VMP1: variants seen among roughly 807,000 people sequenced by gnomAD.
The protein encoded by VMP1 is vacuole membrane protein 1, also known as ectopic P-granules autophagy protein 3 homolog.
Under a neutral mutation model 56.0 loss-of-function variants are expected in VMP1, and 11 were observed. The ratio of observed to expected loss-of-function variants is 0.20; its 90% CI spans 0.12 to 0.32. The LOEUF is 0.32. VMP1 is among the 10% of genes least tolerant of loss of function. The pLI is 1.00. For missense variants in VMP1, 296 were observed against 490.3 expected (o/e 0.60, Z 3.74); for synonymous variants, 149 against 165.0 (o/e 0.90, Z 0.74).
chr17:59,733,333 A>C (rs758143784), intron 2 of VMP1, among the ~76,000 whole-genome samples: 16 of 152,202 alleles, frequency 1.1e-4, no homozygotes, highest in Non-Finnish European at 2.1e-4. Flanking sequence ...TGCTGTGGTC[A>C]ATAAAGTTGT....
chr17:59,827,409 T>C lies in VMP1; in HGVS notation c.974+9636T>C, dbSNP rs542984904. ...TCAGCTCACTGCAACCTCTGCCTCCTGGGTTCAAGCAATTCTTCTGCCTCA... is the reference window on the plus strand; with the variant it reads ...TCAGCTCACTGCAACCTCTGCCTCCCGGGTTCAAGCAATTCTTCTGCCTCA... On this transcript the variant is annotated intron_variant, in intron 10 of 11. Transcript: ENST00000262291. 3.3e-5 allele frequency among the ~76,000 whole-genome samples: 5 copies of C among 152,074 alleles called. No individual in the cohort carries two copies. The East Asian group carries it at 9.7e-4, about 30-fold the overall frequency.
At chr17:59,803,149 T>C (rs2037734380) in intron 7 of VMP1, among the ~76,000 whole-genome samples, 1 of 152,248 alleles carries the variant, frequency 6.6e-6, no homozygotes, top group Non-Finnish European at 1.5e-5. Flanking sequence ...TTTACATTCA[T>C]GTTGACATCA....
chr17:59,721,708 GTC>G (rs1429389433), intron 1 of VMP1, among the ~76,000 whole-genome samples: 1 of 141,458 alleles, frequency 7.1e-6, no homozygotes, highest in African/African-American at 2.8e-5. Context: ...GTGAGACTCT[GTC>G]TCTACAAACA....
intron 5 of VMP1, among the ~76,000 whole-genome samples, 166 bp from the exon 6 acceptor site, chr17:59,764,805 A>G (rs746010887): frequency 2.0e-5 from 3 of 152,204 alleles, no homozygotes; most frequent in South Asian, 2.1e-4. Flanking sequence ...TCTGGGAAGG[A>G]TTATTTTCTT....
intron 10 of VMP1, among the ~76,000 whole-genome samples, chr17:59,822,947 A>C (rs1174963527): frequency 6.6e-6 from 1 of 152,116 alleles, no homozygotes; most frequent in Non-Finnish European, 1.5e-5. Flanking sequence ...TTAGTTGGGC[A>C]TGGTGGTACC....
chr17:59,832,121 A>G lies in VMP1; in HGVS notation c.975-6174A>G, dbSNP rs532159649. On this transcript the variant is annotated intron_variant, in intron 10 of 11. Coordinates refer to ENST00000262291, the MANE Select transcript of VMP1 (RefSeq NM_030938.5). ...TAAAAATATGAAGATACTACTACCC[A>G]CTAAGATTTTTCTACCCACTGTGTT... Among the ~76,000 whole-genome samples the G allele has an allele frequency of 1.7e-4, 25 of 150,802 alleles. No individual in the cohort carries two copies. In the East Asian group the frequency reaches 4.1e-3, roughly 25 times the overall value.
intron 5 of VMP1, among the ~76,000 whole-genome samples, chr17:59,755,118 T>G (rs555687043): frequency 1.3e-5 from 2 of 149,862 alleles, no homozygotes; most frequent in East Asian, 3.9e-4. Context: ...TTCTTTTTCT[T>G]TTTTTTTTAG....
chr17:59,751,709 A>ACT (rs1344107463), intron 5 of VMP1, among the ~76,000 whole-genome samples: 2 of 133,870 alleles, frequency 1.5e-5, no homozygotes, highest in Non-Finnish European at 3.1e-5. Flanking sequence ...GCGCCATTGC[A>ACT]CTCCAGCCTG....
intron 4 of VMP1, 86 bp downstream of exon 4, chr17:59,737,629 A>G (rs2035065202): frequency 2.5e-6 from 3 of 1,201,522 alleles, no homozygotes; most frequent in Admixed American, 2.4e-5. Flanking sequence ...TGTGGGTTTT[A>G]TAGAATTTCT....
chr17:59,725,373 G>GTC (rs2034562766), intron 1 of VMP1, among the ~76,000 whole-genome samples: 1 of 152,130 alleles, frequency 6.6e-6, no homozygotes, highest in Non-Finnish European at 1.5e-5. Flanking sequence ...GCAAAGTGAG[G>GTC]ATGTTTTCAA....
intron 5 of VMP1, among the ~76,000 whole-genome samples, chr17:59,762,019 T>C (rs2036072934): frequency 6.6e-6 from 1 of 152,146 alleles, no homozygotes; most frequent in South Asian, 2.1e-4. Flanking sequence ...GAAGCCAGAG[T>C]CAATGTATGG....
intron 1 of VMP1, among the ~76,000 whole-genome samples, chr17:59,718,122 T>G (rs73333042): frequency 0.12 from 18,470 of 151,610 alleles, 1,247 homozygotes; most frequent in Middle Eastern, 0.24. Flanking sequence ...GCATCCTAAT[T>G]TGGGGTTTTG....
In VMP1 at chr17:59,755,079, C is replaced by A. The variant is rs561157333; in HGVS notation, c.415-9892C>A. ...TCAAAAGTTGCTTGGGTCTAGAGAACAAAGGTGAAACATGCCTTCTTTTTC... is the reference window on the plus strand; with the variant it reads ...TCAAAAGTTGCTTGGGTCTAGAGAAAAAAGGTGAAACATGCCTTCTTTTTC... On this transcript the variant is annotated intron_variant, in intron 5 of 11. Transcript: ENST00000262291. 6.2e-5 allele frequency among the ~76,000 whole-genome samples: 9 copies of A among 144,456 alleles called. 1 individual carries two copies. The highest frequency in any genetic ancestry group is 2.3e-4 in the African/African-American group (9 of 39,252). 94.8% of individuals were successfully genotyped at this position (144,456 alleles called of 152,430 possible). A position where few individuals can be genotyped will look rare whatever the true frequency, so the allele number is the denominator to read the frequency against.
chr17:59,761,030 G>A (rs751754166), intron 5 of VMP1, among the ~76,000 whole-genome samples: 1 of 152,110 alleles, frequency 6.6e-6, no homozygotes, highest in Non-Finnish European at 1.5e-5. Flanking sequence ...AGCCTCCCCA[G>A]TAGCTGGGAT....
chr17:59,745,354 T>A (rs1161944342), intron 5 of VMP1, among the ~76,000 whole-genome samples: 2 of 152,224 alleles, frequency 1.3e-5, no homozygotes, highest in Non-Finnish European at 2.9e-5. Flanking sequence ...TAACCAATAG[T>A]GTGACAAGTG....
chr17:59,783,515 T>C (rs1399426263), intron 7 of VMP1, among the ~76,000 whole-genome samples: 1 of 152,214 alleles, frequency 6.6e-6, no homozygotes, highest in Non-Finnish European at 1.5e-5. Context: ...TTAATAAAAG[T>C]TAGGTCTAGA....
At chr17:59,824,861 A>G (rs1355419043) in intron 10 of VMP1, among the ~76,000 whole-genome samples, 2 of 132,946 alleles carry the variant, frequency 1.5e-5, no homozygotes, top group Non-Finnish European at 3.2e-5. Context: ...TGACAGAGCA[A>G]GACTCCGTCT....
At chr17:59,722,773 G>T (rs1190512047) in intron 1 of VMP1, among the ~76,000 whole-genome samples, 1 of 152,218 alleles carries the variant, frequency 6.6e-6, no homozygotes, top group Non-Finnish European at 1.5e-5. Flanking sequence ...GAACCTGGAA[G>T]GTGGCGGTTG....
chr17:59,750,056 C>T (rs966538943), intron 5 of VMP1, among the ~76,000 whole-genome samples: 7 of 152,136 alleles, frequency 4.6e-5, no homozygotes, highest in African/African-American at 1.2e-4. Context: ...TAAAATAATT[C>T]GACTTCTTTT....
Sources: allele counts gnomAD v4.1 joint callset (sites outside exome capture counted in the v4.1 genomes callset), GRCh38; gene constraint gnomAD v4.1.1; transcripts MANE v1.5; gene names NCBI Gene and HGNC (gene_info 2026-07-23, HGNC 2026-07-21).